PSMF1: variants seen among roughly 807,000 people sequenced by gnomAD.
The protein encoded by PSMF1 is proteasome inhibitor PI31 subunit.
In PSMF1, 30 loss-of-function variants were observed where a neutral mutation model predicts 29.3. The ratio of observed to expected loss-of-function variants is 1.02; its 90% confidence interval spans 0.77 to 1.39. The LOEUF (loss-of-function observed/expected upper bound fraction) is 1.39, where lower values mean the gene tolerates loss of function less well. Among genes scored for constraint, PSMF1 ranks in the 40% most tolerant of loss-of-function variants. PSMF1 has a pLI of 0.00. For missense variants in PSMF1, 344 were observed against 357.5 expected (o/e 0.96, Z 0.31); for synonymous variants, 134 against 139.7 (o/e 0.96, Z 0.29).
In PSMF1 at chr20:1,171,196, C is replaced by T. The variant is rs2086786798; in HGVS notation, c.*6116C>T. On this transcript the variant is annotated 3_prime_UTR_variant, in exon 7 of 7. Coordinates refer to ENST00000335877, the MANE Select transcript of PSMF1 (RefSeq NM_006814.5). ...CTATTTGCACAGCGTGCCTCATGCT[C>T]CTGAGTACCTCCACCTGCAGCCACA... is the stretch of plus-strand genomic sequence containing the variant. 6.6e-6 allele frequency among the ~76,000 whole-genome samples: 1 copy of T among 152,144 alleles called. No individual in the cohort carries two copies. The highest frequency in any genetic ancestry group is 2.4e-5 in the African/African-American group (1 of 41,412).
Position 1,167,738 on chromosome 20 carries a change from G to C in PSMF1, c.*2658G>C, listed in dbSNP as rs1258333063. On this transcript the variant is annotated 3_prime_UTR_variant, in exon 7 of 7. Coordinates refer to ENST00000335877, the MANE Select transcript of PSMF1 (RefSeq NM_006814.5). ...TCCTTTTATCAGTTGATGGACAGTT[G>C]GGTTGTTTCTACAAAAAGGCTATTA... 2 of 152,072 alleles carry C rather than the reference G, an allele frequency of 1.3e-5. No homozygotes were observed. Among genetic ancestry groups the C allele is most frequent in the Non-Finnish European group, 2.9e-5 (2 of 68,030 alleles). 9.4% of individuals were successfully genotyped at this position (152,072 alleles called of 1,614,324 possible). A position where few individuals can be genotyped will look rare whatever the true frequency, so the allele number is the denominator to read the frequency against.
At chr20:1,142,427 CA>C (rs2086394826) in intron 4 of PSMF1, among the ~76,000 whole-genome samples, 1 of 150,438 alleles carries the variant, frequency 6.6e-6, no homozygotes, top group African/African-American at 2.4e-5. Flanking sequence ...CTCCTCCCCC[CA>C]CCCCACAACA....
In PSMF1 at chr20:1,164,472, C is replaced by T. The variant is rs1385505358; in HGVS notation, c.760C>T (p.Pro254Ser). The T allele has an allele frequency of 2.5e-6, 4 of 1,614,044 alleles. No homozygotes were observed. ...DPFGPIGTSP[P>S]GPNPDHLPPP... is the part of the protein sequence containing the mutation. Reference sequence around the variant, plus strand: ...CTTTGGACCCATTGGGACCAGCCCACCCGGGTACGTAGTCACTCAGGTATG... The same window carrying T: ...CTTTGGACCCATTGGGACCAGCCCATCCGGGTACGTAGTCACTCAGGTATG... The change falls in exon 6 of 7, where the codon CCC becomes TCC. Residue 254 changes from proline (P) to serine (S), a missense_variant. Pro to Ser is a moderately conservative substitution (Grantham distance 74, BLOSUM62 -1). Coordinates refer to ENST00000335877, the MANE Select transcript of PSMF1 (RefSeq NM_006814.5). This position sits in a 1 kb window ranked among gnomAD's most constrained non-coding sequence, Gnocchi z 4.1.
At chr20:1,133,569 A>ATATATATATATATTTTTTT in intron 3 of PSMF1, among the ~76,000 whole-genome samples, 24 of 53,296 alleles carry the variant, frequency 4.5e-4, no homozygotes, top group Non-Finnish European at 6.8e-4. Flanking sequence ...ATATATATAT[A>ATATATATATATATTTTTTT]TTTTTTTTTT....
At chr20:1,149,760 G>C (rs779413495) in intron 4 of PSMF1, among the ~76,000 whole-genome samples, 7 of 152,184 alleles carry the variant, frequency 4.6e-5, no homozygotes, top group Non-Finnish European at 1.0e-4. Context: ...GCAAGGCCAG[G>C]TGTGGTGGCC....
intron 2 of PSMF1, 99 bp downstream of exon 2, chr20:1,125,749 T>C (rs956252103): frequency 1.2e-5 from 18 of 1,452,410 alleles, no homozygotes; most frequent in Middle Eastern, 3.6e-4. Context: ...TCAATGTTCA[T>C]GTAGCCCTTA....
In PSMF1 at chr20:1,166,335, T is replaced by C; in HGVS notation, c.*1255T>C. The C allele has an allele frequency of 7.3e-7, 1 of 1,378,206 alleles. No homozygotes were observed. Among genetic ancestry groups the C allele is most frequent in the South Asian group, 1.2e-5 (1 of 82,884 alleles). The allele number at this position is 1,378,206 out of a possible 1,614,324, so 85.4% of individuals were successfully genotyped here. On this transcript the variant is annotated 3_prime_UTR_variant, in exon 7 of 7. Transcript: ENST00000335877. ...AGATCAAGGCGGTAGTCACTTCCGC[T>C]CTGCAGCTAGCATTTCAACCATATG...
intron 3 of PSMF1, among the ~76,000 whole-genome samples, chr20:1,128,910 C>T (rs1052542822): frequency 6.6e-6 from 1 of 151,960 alleles, no homozygotes; most frequent in Non-Finnish European, 1.5e-5. Flanking sequence ...GAGTCTTGCT[C>T]TGTCACCCAG....
chr20:1,120,191 G>A (rs572749548), intron 1 of PSMF1, among the ~76,000 whole-genome samples: 2 of 152,110 alleles, frequency 1.3e-5, no homozygotes, highest in African/African-American at 4.8e-5. Context: ...AACCGTCAGG[G>A]ATTTCTGGCT....
chr20:1,142,248 T>A (rs1242142539), intron 4 of PSMF1, among the ~76,000 whole-genome samples: 2 of 151,690 alleles, frequency 1.3e-5, no homozygotes, highest in African/African-American at 4.9e-5. Context: ...AAACAAAAAC[T>A]AAAATAACTC....
intron 1 of PSMF1, 74 bp from the exon 2 acceptor site, chr20:1,125,424 T>G (rs1361708383): frequency 1.4e-6 from 2 of 1,455,430 alleles, no homozygotes; most frequent in Non-Finnish European, 1.8e-6. Context: ...TAAGATTAGC[T>G]TATCTCGTGA....
chr20:1,163,192 T>C lies in PSMF1; in HGVS notation c.605+9T>C. Reference sequence around the variant, plus strand: ...GACTTAGACCCTTTTGGGTGAGTACTGCTGGGGAGGTGGCAGCAACACAAC... The same window carrying C: ...GACTTAGACCCTTTTGGGTGAGTACCGCTGGGGAGGTGGCAGCAACACAAC... On this transcript the variant is annotated intron_variant, in intron 5 of 6. Transcript: ENST00000335877. The surrounding 1 kb of genome is among the most constrained non-coding windows in gnomAD (Gnocchi z 6.1). The C allele has an allele frequency of 6.2e-7, 1 of 1,614,034 alleles. No individual in the cohort carries two copies. Among genetic ancestry groups the C allele is most frequent in the East Asian group, 2.2e-5 (1 of 44,890 alleles).
chr20:1,161,105 G>A (rs140807529), intron 4 of PSMF1: 84 of 464,722 alleles, frequency 1.8e-4, no homozygotes, highest in Admixed American at 4.7e-4. Context: ...GCCATCCTGC[G>A]TCTGGACCTG....
chr20:1,133,569 A>ATATATATATATTT lies in PSMF1; in HGVS notation c.366-1551_366-1550insATATATATATTTT. Among the ~76,000 whole-genome samples the ATATATATATATTT allele has an allele frequency of 7.5e-5, 4 of 53,302 alleles. 1 individual carries two copies. Among genetic ancestry groups the ATATATATATATTT allele is most frequent in the African/African-American group, 2.2e-4 (4 of 17,830 alleles). The allele number at this position is 53,302 out of a possible 152,430, so 35.0% of individuals were successfully genotyped here. The stretch of plus-strand genomic sequence containing the variant: ...TCTATATATGTGTATATATATATAT[A>ATATATATATATTT]TTTTTTTTTTTTTTTTGGTGTAGTC... On this transcript the variant is annotated intron_variant, in intron 3 of 6. Coordinates refer to ENST00000335877, the MANE Select transcript of PSMF1 (RefSeq NM_006814.5).
chr20:1,145,768 A>G (rs1464455742), intron 4 of PSMF1, among the ~76,000 whole-genome samples: 3 of 152,144 alleles, frequency 2.0e-5, no homozygotes, highest in Non-Finnish European at 2.9e-5. Flanking sequence ...TGGATATTCT[A>G]CTAGGCCCAG....
chr20:1,170,198 C>A lies in PSMF1; in HGVS notation c.*5118C>A, dbSNP rs1246666781. Reference sequence around the variant, plus strand: ...ACACATGCAGAATCTCAAGCCCCACCCCAGACATTGAATGAGAATCTGCAT... The same window carrying A: ...ACACATGCAGAATCTCAAGCCCCACACCAGACATTGAATGAGAATCTGCAT... On this transcript the variant is annotated 3_prime_UTR_variant, in exon 7 of 7. Transcript: ENST00000335877. Among the ~76,000 whole-genome samples the A allele has an allele frequency of 6.6e-6, 1 of 152,168 alleles. No individual in the cohort carries two copies. The highest frequency in any genetic ancestry group is 2.4e-5 in the African/African-American group (1 of 41,440).
chr20:1,142,933 T>C (rs2086402482), intron 4 of PSMF1, among the ~76,000 whole-genome samples: 1 of 152,226 alleles, frequency 6.6e-6, no homozygotes, highest in African/African-American at 2.4e-5. Flanking sequence ...CCAGCAGGTA[T>C]AATTCTAACA....
Position 1,171,467 on chromosome 20 carries a change from G to A in PSMF1, c.*6387G>A, listed in dbSNP as rs2086789526. ...TTCCCTATTGACAGGTGAAAAAGCA[G>A]GTCCACAGCTGTTGAGTGACTTTCC... On this transcript the variant is annotated 3_prime_UTR_variant, in exon 7 of 7. Coordinates refer to ENST00000335877, the MANE Select transcript of PSMF1 (RefSeq NM_006814.5). Among the ~76,000 whole-genome samples the A allele has an allele frequency of 6.6e-6, 1 of 152,180 alleles. No individual in the cohort carries two copies. Among genetic ancestry groups the A allele is most frequent in the South Asian group, 2.1e-4 (1 of 4,830 alleles).
At chr20:1,148,744 C>T (rs1316148070) in intron 4 of PSMF1, among the ~76,000 whole-genome samples, 1 of 151,908 alleles carries the variant, frequency 6.6e-6, no homozygotes, top group Non-Finnish European at 1.5e-5. Context: ...TATGAACATC[C>T]CTGTGTATTA....
Sources: gnomAD v4.1 joint callset for allele counts (sites outside exome capture counted in the v4.1 genomes callset) on GRCh38, gnomAD v4.1.1 for gene constraint, Gnocchi (gnomAD v3.1) non-coding constraint, MANE v1.5 for transcripts, NCBI Gene and HGNC (gene_info 2026-07-23, HGNC 2026-07-21) for gene names.